The following ECRG4 variants were observed in gnomAD, a reference collection of about 807,000 sequenced individuals.
ECRG4 encodes augurin.
A neutral mutation model predicts 15.8 loss-of-function variants in ECRG4; 18 were observed. That is an observed-to-expected ratio of 1.14 (90% confidence interval 0.79 to 1.69). The LOEUF is 1.69. Ranked by LOEUF, ECRG4 falls within the 40% of genes most tolerant of loss-of-function variation. The pLI is 0.00. For synonymous variants in ECRG4, 82 were observed against 73.9 expected (o/e 1.11, Z -0.56); for missense variants, 200 against 190.9 (o/e 1.05, Z -0.28).
chr2:106,069,793 A>G (rs554752344), intron 1 of ECRG4, among the ~76,000 whole-genome samples: 174 of 152,316 alleles, frequency 1.1e-3, no homozygotes, highest in African/African-American at 4.0e-3. Flanking sequence ...ACTGAACTAA[A>G]TAGTAGAGGG....
chr2:106,075,212 G>A (rs1008950772), intron 3 of ECRG4, among the ~76,000 whole-genome samples: 34 of 152,234 alleles, frequency 2.2e-4, no homozygotes, highest in African/African-American at 6.5e-4. Flanking sequence ...CTGGGGCAAG[G>A]GTGGAATCAC....
At chr2:106,074,153 T>A in intron 3 of ECRG4, 110 bp downstream of exon 3, 1 of 1,286,192 alleles carries the variant, frequency 7.8e-7, no homozygotes, top group Non-Finnish European at 1.1e-6. Context: ...TGTTCATTCC[T>A]AGAGTAAGAG....
At position 106,074,097 on chromosome 2, in the gene ECRG4, A is replaced by G. The variant is rs1003721783; in HGVS notation, c.285+54A>G. 7 of 1,595,660 alleles carry G rather than the reference A, an allele frequency of 4.4e-6. No homozygotes were observed. The African/African-American group carries it at 6.7e-5, about 15-fold the overall frequency. On this transcript the variant is annotated intron_variant, in intron 3 of 3. Coordinates refer to ENST00000238044, the MANE Select transcript of ECRG4 (RefSeq NM_032411.3). Reference sequence around the variant, plus strand: ...GCTTCCACAGGGAAGGGTGGCAGGGAGGAGGCCTGGCTCGGGGAAATAGGA... The same window carrying G: ...GCTTCCACAGGGAAGGGTGGCAGGGGGGAGGCCTGGCTCGGGGAAATAGGA...
upstream of ECRG4, chr2:106,065,643 C>T (rs923690881): frequency 1.5e-5 from 10 of 686,578 alleles, no homozygotes; most frequent in African/African-American, 1.1e-4. Context: ...GGTCCCGCCC[C>T]GGCAGCGACG....
chr2:106,077,507 G>T (rs1267808805), intron 3 of ECRG4, among the ~76,000 whole-genome samples: 1 of 152,152 alleles, frequency 6.6e-6, no homozygotes, highest in Non-Finnish European at 1.5e-5. Context: ...TTTAAGTCTG[G>T]AATACACTTA....
intron 3 of ECRG4, 115 bp downstream of exon 3, chr2:106,074,158 T>A: frequency 8.1e-7 from 1 of 1,234,506 alleles, no homozygotes; most frequent in Non-Finnish European, 1.1e-6. Context: ...ATTCCTAGAG[T>A]AAGAGCCCCA....
At chr2:106,073,268 G>C (rs759100191) in intron 2 of ECRG4, among the ~76,000 whole-genome samples, 10 of 152,214 alleles carry the variant, frequency 6.6e-5, no homozygotes, top group Non-Finnish European at 1.5e-4. Flanking sequence ...AGCAGCAGCA[G>C]TGTGAGGGTG....
chr2:106,067,183 T>C (rs1280883968), intron 1 of ECRG4, among the ~76,000 whole-genome samples: 1 of 149,706 alleles, frequency 6.7e-6, no homozygotes, highest in Non-Finnish European at 1.5e-5. Flanking sequence ...TCCCAGCTAC[T>C]CGGGAGGCTG....
chr2:106,069,250 TTC>T (rs1573359564), intron 1 of ECRG4, among the ~76,000 whole-genome samples: 1 of 149,284 alleles, frequency 6.7e-6, no homozygotes, highest in African/African-American at 2.5e-5. Context: ...TCTTTCTTTC[TTC>T]TTTCTCTTTC....
upstream of ECRG4, chr2:106,065,584 GGGCGCAGCCGCTT>G: frequency 2.4e-6 from 1 of 424,748 alleles, no homozygotes; most frequent in Non-Finnish European, 4.1e-6. Flanking sequence ...CCCGTGCGCT[GGGCGCAGCCGCTT>G]GGCCCTCAGC....
chr2:106,065,517 C>G, upstream of ECRG4: 1 of 355,490 alleles, frequency 2.8e-6, no homozygotes, highest in Non-Finnish European at 5.0e-6. Context: ...GCCTTGGAGC[C>G]CAGGGGCTGC....
At chr2:106,071,002 C>T (rs754360195) in intron 1 of ECRG4, 1 of 471,222 alleles carries the variant, frequency 2.1e-6, no homozygotes, top group Non-Finnish European at 4.4e-6. Flanking sequence ...TCAGGCCAGA[C>T]AAGGTATTTT....
In ECRG4 at chr2:106,077,841, G is replaced by A. The variant is rs757602564; in HGVS notation, c.362G>A (p.Arg121His). 6.8e-6 allele frequency: 11 copies of A among 1,614,092 alleles called. No individual in the cohort carries two copies. The highest frequency in any genetic ancestry group is 7.6e-6 in the Non-Finnish European group (9 of 1,180,024). The change falls in exon 4 of 4, where the codon CGT becomes CAT. Residue 121 changes from arginine to histidine, a missense_variant. By Grantham distance (29) the Arg-to-His change is conservative. Coordinates refer to ENST00000238044, the MANE Select transcript of ECRG4 (RefSeq NM_032411.3). ...GAATACTATGGCGATTACTACCAAC[G>A]TCACTATGATGAAGACTCTGCAATT... ...GHEYYGDYYQ[R>H]HYDEDSAIGP...
At chr2:106,064,681 G>A (rs1676165413), upstream of ECRG4, among the ~76,000 whole-genome samples, 1 of 152,136 alleles carries the variant, frequency 6.6e-6, no homozygotes, top group African/African-American at 2.4e-5. Flanking sequence ...CCGTCTCAGG[G>A]AGGGGAAAAT....
Position 106,077,865 on chromosome 2 carries a change from T to C in ECRG4, c.386T>C (p.Ile129Thr). The change falls in exon 4 of 4, where the codon ATT (isoleucine) becomes ACT (threonine). Residue 129 changes from isoleucine to threonine, a missense_variant. Physicochemically the swap from Ile to Thr is moderately conservative, Grantham distance 89. Transcript: ENST00000238044. ...CGTCACTATGATGAAGACTCTGCAA[T>C]TGGTCCCCGGAGCCCCTACGGCTTT... The part of the protein sequence containing the change: ...YQRHYDEDSA[I>T]GPRSPYGFRH... 1 of 1,614,170 alleles carries C rather than the reference T, an allele frequency of 6.2e-7. No homozygotes were observed.
At chr2:106,071,737 A>G (rs1334169236) in intron 1 of ECRG4, 107 bp from the exon 2 acceptor site, 6 of 846,726 alleles carry the variant, frequency 7.1e-6, no homozygotes, top group Non-Finnish European at 1.1e-5. Flanking sequence ...AAGTTGCCAA[A>G]TCAAGGCAGG....
At chr2:106,066,506 G>A (rs1366554457) in intron 1 of ECRG4, among the ~76,000 whole-genome samples, 2 of 152,220 alleles carry the variant, frequency 1.3e-5, no homozygotes, top group Non-Finnish European at 2.9e-5. Flanking sequence ...CCCCACTTTA[G>A]GAACCATAAT....
chr2:106,067,956 T>A (rs1193139619), intron 1 of ECRG4, among the ~76,000 whole-genome samples: 1 of 151,510 alleles, frequency 6.6e-6, no homozygotes, highest in Non-Finnish European at 1.5e-5. Context: ...CACCTCAGCC[T>A]CCCGAGTAGC....
intron 1 of ECRG4, 33 bp from the exon 2 acceptor site, chr2:106,071,811 C>T: frequency 6.3e-7 from 1 of 1,595,544 alleles, no homozygotes; most frequent in South Asian, 1.1e-5. Context: ...AGCAGTATAA[C>T]TCTGATATGG....
Sources: gnomAD v4.1 joint callset for allele counts (sites outside exome capture counted in the v4.1 genomes callset) on GRCh38, gnomAD v4.1.1 for gene constraint, MANE v1.5 for transcripts, NCBI Gene and HGNC (gene_info 2026-07-23, HGNC 2026-07-21) for gene names.